Variants in SPMIP5 observed in about 807,000 individuals in gnomAD.
SPMIP5 encodes sperm microtubule inner protein 5, also known as sperm-associated microtubule inner protein 5.
the SPMIP5 span, chr10:116,665,025 T>A: frequency 1.3e-6 from 2 of 1,537,792 alleles, no homozygotes; most frequent in Middle Eastern, 2.1e-4. Flanking sequence ...GCCTGAAAAC[T>A]TGTGACTTGC....
the SPMIP5 span, chr10:116,664,676 T>C: frequency 1.9e-6 from 3 of 1,550,970 alleles, no homozygotes; most frequent in Non-Finnish European, 2.6e-6. Flanking sequence ...AGTGCTGGGA[T>C]GGGGACATCT....
chr10:116,667,819 G>A, the SPMIP5 span, among the ~76,000 whole-genome samples: 1 of 152,222 alleles, frequency 6.6e-6, no homozygotes, highest in African/African-American at 2.4e-5. Context: ...GGCAGTCCCA[G>A]GTAGACCAGG....
chr10:116,666,372 T>C, the SPMIP5 span, among the ~76,000 whole-genome samples: 2 of 152,126 alleles, frequency 1.3e-5, no homozygotes, highest in African/African-American at 4.8e-5. Context: ...ATATAATCAT[T>C]ACAATTAGTA....
At chr10:116,663,762 C>T in the SPMIP5 span, 27 of 909,552 alleles carry the variant, frequency 3.0e-5, no homozygotes, top group Non-Finnish European at 4.1e-5. Flanking sequence ...GACATGCAAC[C>T]GTCAACCACT....
chr10:116,662,864 C>A, the SPMIP5 span, among the ~76,000 whole-genome samples: 60 of 152,286 alleles, frequency 3.9e-4, no homozygotes, highest in East Asian at 9.3e-3. Flanking sequence ...GCTCCTGATC[C>A]AGTGCGACTG....
the SPMIP5 span, among the ~76,000 whole-genome samples, chr10:116,669,628 C>T: frequency 6.6e-6 from 1 of 152,194 alleles, no homozygotes; most frequent in African/African-American, 2.4e-5. Flanking sequence ...CCCACAGCTT[C>T]CCTAAGAATG....
the SPMIP5 span, among the ~76,000 whole-genome samples, chr10:116,663,000 G>C: frequency 6.6e-6 from 1 of 152,042 alleles, no homozygotes; most frequent in African/African-American, 2.4e-5. Context: ...GGCCAACACA[G>C]TGAAACCCCA....
At chr10:116,663,860 T>C in the SPMIP5 span, 1 of 1,484,250 alleles carries the variant, frequency 6.7e-7, no homozygotes, top group Non-Finnish European at 8.9e-7. Context: ...ATGGCAGGTT[T>C]TGGAAGCCCC....
At chr10:116,669,913 A>G in the SPMIP5 span, 1 of 152,070 alleles carries the variant, frequency 6.6e-6, no homozygotes, top group Non-Finnish European at 1.5e-5. Context: ...TTCCAATCCC[A>G]CCTCAGCGCT....
chr10:116,665,685 A>G, the SPMIP5 span: 1 of 1,614,006 alleles, frequency 6.2e-7, no homozygotes, highest in Non-Finnish European at 8.5e-7. Context: ...GACAGGTTTC[A>G]GTTTCGGGGC....
At chr10:116,668,057 G>A in the SPMIP5 span, among the ~76,000 whole-genome samples, 23 of 152,316 alleles carry the variant, frequency 1.5e-4, no homozygotes, top group South Asian at 4.1e-4. Flanking sequence ...GTTCTGGGAC[G>A]TGTGGTCTAA....
At chr10:116,665,915 A>C in the SPMIP5 span, 1 of 1,129,680 alleles carries the variant, frequency 8.9e-7, no homozygotes, top group Non-Finnish European at 1.3e-6. Context: ...ATTTCAGCCC[A>C]CCCTTTGGCA....
At chr10:116,664,961 C>A in the SPMIP5 span, 2 of 1,597,626 alleles carry the variant, frequency 1.3e-6, no homozygotes, top group Non-Finnish European at 1.7e-6. Flanking sequence ...TAAAAAGACA[C>A]CATGGCACAG....
the SPMIP5 span, among the ~76,000 whole-genome samples, chr10:116,667,863 A>G: frequency 6.6e-6 from 1 of 152,216 alleles, no homozygotes; most frequent in Non-Finnish European, 1.5e-5. Context: ...GGGATGCAGG[A>G]AAGGATGGGA....
the SPMIP5 span, chr10:116,665,140 T>C: frequency 7.4e-7 from 1 of 1,352,798 alleles, no homozygotes; most frequent in Non-Finnish European, 9.5e-7. Context: ...CTCATGCCTG[T>C]AATCCCAGCA....
chr10:116,668,431 G>A, the SPMIP5 span: 7 of 950,732 alleles, frequency 7.4e-6, no homozygotes, highest in Non-Finnish European at 1.0e-5. Flanking sequence ...ATGACTGCCA[G>A]GAGTTGGGGC....
At chr10:116,667,964 G>T in the SPMIP5 span, among the ~76,000 whole-genome samples, 1 of 152,206 alleles carries the variant, frequency 6.6e-6, no homozygotes, top group Admixed American at 6.5e-5. Context: ...TCATCACATT[G>T]TGTCTATCCT....
At chr10:116,666,494 T>G in the SPMIP5 span, among the ~76,000 whole-genome samples, 9 of 151,960 alleles carry the variant, frequency 5.9e-5, no homozygotes, top group African/African-American at 2.2e-4. Context: ...GAAAACTGGT[T>G]AAGAACTTAG....
chr10:116,662,840 G>A, the SPMIP5 span, among the ~76,000 whole-genome samples: 19 of 152,312 alleles, frequency 1.2e-4, no homozygotes, highest in East Asian at 3.1e-3. Context: ...TGAGGTCACA[G>A]TGAAGTAGGG....
Sources: gnomAD v4.1 joint callset for allele counts (sites outside exome capture counted in the v4.1 genomes callset) on GRCh38, gnomAD v4.1.1 for gene constraint, MANE v1.5 for transcripts, NCBI Gene and HGNC (gene_info 2026-07-23, HGNC 2026-07-21) for gene names.